E2F5: variants seen among roughly 807,000 people sequenced by gnomAD.
E2F5 encodes E2F transcription factor 5, also known as transcription factor E2F5.
Under a neutral mutation model 39.1 loss-of-function variants are expected in E2F5, and 23 were observed. The observed-to-expected ratio is 0.59, with a 90% CI of 0.42 to 0.83. The LOEUF is 0.83. Ranked by LOEUF, E2F5 falls within the 40% of genes least tolerant of loss-of-function variation. The probability of loss-of-function intolerance (pLI) is 0.00; values close to 1 mark genes in which losing one functional copy is unlikely to be tolerated. For synonymous variants in E2F5, 145 were observed against 157.8 expected, an observed-to-expected ratio of 0.92 and a Z score of 0.61; for missense variants, 365 against 406.7, an observed-to-expected ratio of 0.90 and a Z score of 0.88.
At chr8:85,212,062 A>C (rs558468062) in intron 6 of E2F5, 95 bp from the exon 7 acceptor site, 4 of 910,564 alleles carry the variant, frequency 4.4e-6, no homozygotes, top group Non-Finnish European at 5.3e-6. Flanking sequence ...ATAAATGTGC[A>C]TGTCAGTCAA....
chr8:85,202,388 C>T, intron 2 of E2F5, 132 bp downstream of exon 2: 1 of 626,182 alleles, frequency 1.6e-6, no homozygotes, highest in Non-Finnish European at 2.7e-6. Flanking sequence ...CCTGAACACA[C>T]CTTTCTGGGC....
intron 1 of E2F5, among the ~76,000 whole-genome samples, chr8:85,189,594 C>T (rs4150885): frequency 0.06 from 9,112 of 152,110 alleles, 900 homozygotes; most frequent in African/African-American, 0.2. Flanking sequence ...GTTTTAAAGT[C>T]ATGGCCCCAA....
At chr8:85,202,063 T>C (rs767751050) in intron 1 of E2F5, 84 bp from the exon 2 acceptor site, 12 of 1,112,196 alleles carry the variant, frequency 1.1e-5, no homozygotes, top group Admixed American at 2.1e-5. Context: ...ATTGGACTTG[T>C]TGTGGATTTA....
Position 85,214,177 on chromosome 8 carries a change from A to G in E2F5, c.*315A>G, listed in dbSNP as rs956934880. ...TTCTTAAGGAGGAAAGTTAAAGGAC[A>G]CTACAGGTCATCAAAAACAAGTTGG... On this transcript the variant is annotated 3_prime_UTR_variant, in exon 8 of 8. Coordinates refer to ENST00000416274, the MANE Select transcript of E2F5 (RefSeq NM_001951.4). The G allele has an allele frequency of 3.7e-6, 2 of 536,348 alleles. No individual in the cohort carries two copies. 33.2% of individuals were successfully genotyped at this position (536,348 alleles called of 1,614,324 possible). A position where few individuals can be genotyped will look rare whatever the true frequency, so the allele number is the denominator to read the frequency against.
At chr8:85,181,883 C>T (rs1178960363) in intron 1 of E2F5, among the ~76,000 whole-genome samples, 1 of 150,866 alleles carries the variant, frequency 6.6e-6, no homozygotes, top group Non-Finnish European at 1.5e-5. Flanking sequence ...ATCGCTTGAA[C>T]TCAAGAGGCG....
chr8:85,200,208 C>T, intron 1 of E2F5: 1 of 614,118 alleles, frequency 1.6e-6, no homozygotes, highest in Non-Finnish European at 2.0e-6. Context: ...GATCACACCA[C>T]TGCACTCCAG....
chr8:85,191,157 G>T (rs768803074), intron 1 of E2F5, among the ~76,000 whole-genome samples: 1 of 152,024 alleles, frequency 6.6e-6, no homozygotes, highest in African/African-American at 2.4e-5. Flanking sequence ...AGTTTTTGAC[G>T]CCATAGAAGA....
chr8:85,186,906 A>G (rs1315669510), intron 1 of E2F5, among the ~76,000 whole-genome samples: 1 of 149,628 alleles, frequency 6.7e-6, no homozygotes, highest in Non-Finnish European at 1.5e-5. Flanking sequence ...TAAGGTATAT[A>G]TATGGTGTGT....
intron 2 of E2F5, among the ~76,000 whole-genome samples, chr8:85,202,550 C>A (rs1812718417): frequency 6.6e-6 from 1 of 152,218 alleles, no homozygotes; most frequent in Non-Finnish European, 1.5e-5. Context: ...AACTCTTTAC[C>A]TGTCCTTGAG....
intron 1 of E2F5, among the ~76,000 whole-genome samples, chr8:85,197,780 G>T (rs1587491808): frequency 6.6e-6 from 1 of 152,280 alleles, no homozygotes; most frequent in Middle Eastern, 3.4e-3. Flanking sequence ...AACAGTTACA[G>T]TGGCAAGCAT....
chr8:85,209,557 G>T, intron 6 of E2F5, 148 bp downstream of exon 6: 2 of 953,330 alleles, frequency 2.1e-6, no homozygotes, highest in African/African-American at 1.7e-5. Context: ...CATATCTTGG[G>T]GATAGGACCC....
chr8:85,207,242 A>T (rs1812818100), intron 4 of E2F5, among the ~76,000 whole-genome samples, 183 bp from the exon 5 acceptor site: 1 of 152,154 alleles, frequency 6.6e-6, no homozygotes, highest in Non-Finnish European at 1.5e-5. Flanking sequence ...ATCTTATTTA[A>T]TCCTCAAAAT....
intron 7 of E2F5, chr8:85,212,465 T>C: frequency 2.7e-6 from 1 of 369,176 alleles, no homozygotes; most frequent in Non-Finnish European, 4.9e-6. Context: ...CCCTTTCCAC[T>C]CCTGAAGGAT....
At chr8:85,212,507 A>T in intron 7 of E2F5, 1 of 255,060 alleles carries the variant, frequency 3.9e-6, no homozygotes, top group South Asian at 6.4e-5. Flanking sequence ...AACTTGTCTA[A>T]ATCAAGCAAC....
intron 2 of E2F5, 43 bp downstream of exon 2, chr8:85,202,299 C>A: frequency 7.2e-7 from 1 of 1,382,268 alleles, no homozygotes; most frequent in Non-Finnish European, 9.9e-7. Context: ...CTTTTTTCTT[C>A]TCAGTGCTCT....
chr8:85,189,399 A>T (rs1812413602), intron 1 of E2F5, among the ~76,000 whole-genome samples: 1 of 152,046 alleles, frequency 6.6e-6, no homozygotes, highest in Non-Finnish European at 1.5e-5. Flanking sequence ...TTTGAGGCAG[A>T]GTCTCTGTGA....
At chr8:85,200,177 G>T (rs4150926) in intron 1 of E2F5, 1 of 278,230 alleles carries the variant, frequency 3.6e-6, no homozygotes, top group South Asian at 1.4e-4. Flanking sequence ...AACCCAGGTG[G>T]TGGAGGTTGC....
intron 1 of E2F5, among the ~76,000 whole-genome samples, chr8:85,181,502 GTT>G (rs370980472): frequency 1.5e-5 from 2 of 131,342 alleles, no homozygotes; most frequent in Non-Finnish European, 3.3e-5. Flanking sequence ...GGCTAGTTTT[GTT>G]TTTTTTTTTT....
intron 6 of E2F5, 124 bp from the exon 7 acceptor site, chr8:85,212,033 C>T: frequency 1.5e-6 from 1 of 682,764 alleles, no homozygotes; most frequent in Non-Finnish European, 2.5e-6. Flanking sequence ...AACCTGTCCA[C>T]AAAGTACTAG....
Sources: allele counts gnomAD v4.1 joint callset (sites outside exome capture counted in the v4.1 genomes callset), GRCh38; gene constraint gnomAD v4.1.1; transcripts MANE v1.5; gene names NCBI Gene and HGNC (gene_info 2026-07-23, HGNC 2026-07-21).